The following ATP10A variants were observed in gnomAD, a reference collection of about 807,000 sequenced individuals.
The protein encoded by ATP10A is ATPase phospholipid transporting 10A (putative).
In ATP10A, 111 loss-of-function variants were observed where a neutral mutation model predicts 147.8. The ratio of observed to expected loss-of-function variants is 0.75; its 90% CI spans 0.64 to 0.88. The LOEUF (loss-of-function observed/expected upper bound fraction) is 0.88, where lower values mean the gene tolerates loss of function less well. ATP10A is among the 40% of genes least tolerant of loss of function. ATP10A has a pLI of 0.00. For synonymous variants in ATP10A, 875 were observed against 841.6 expected (o/e 1.04, Z -0.69); for missense variants, 1,927 against 1,959.0 (o/e 0.98, Z 0.31).
intron 3 of ATP10A, among the ~76,000 whole-genome samples, chr15:25,734,798 G>C (rs1442743219): frequency 6.6e-6 from 1 of 152,162 alleles, no homozygotes; most frequent in Non-Finnish European, 1.5e-5. Flanking sequence ...CTTGGCTGCA[G>C]ACACATTTCA....
intron 9 of ATP10A, 105 bp downstream of exon 9, chr15:25,716,625 C>T (rs982276605): frequency 1.0e-5 from 12 of 1,147,100 alleles, no homozygotes; most frequent in Non-Finnish European, 1.5e-5. Context: ...GTGCCAAGAG[C>T]GCTTGCTGCA....
chr15:25,735,708 C>T (rs1360588807), intron 3 of ATP10A, among the ~76,000 whole-genome samples: 1 of 152,098 alleles, frequency 6.6e-6, no homozygotes, highest in Non-Finnish European at 1.5e-5. Flanking sequence ...GAAACTCCAC[C>T]CGGCCTACTC....
At chr15:25,769,889 G>A (rs142094816) in intron 2 of ATP10A, among the ~76,000 whole-genome samples, 20 of 152,264 alleles carry the variant, frequency 1.3e-4, no homozygotes, top group Admixed American at 8.5e-4. Context: ...AGGGTTAAAT[G>A]AGGTGACTGA....
At chr15:25,803,142 C>T (rs893276510) in intron 1 of ATP10A, among the ~76,000 whole-genome samples, 2 of 152,160 alleles carry the variant, frequency 1.3e-5, no homozygotes, top group African/African-American at 2.4e-5. Context: ...GCAATCTCGG[C>T]ACCTGCGAGG....
chr15:25,716,832 C>T lies in ATP10A; in HGVS notation c.1674G>A (p.Leu558=). 1 of 1,611,002 alleles carries T rather than the reference C, an allele frequency of 6.2e-7. No homozygotes were observed. Among genetic ancestry groups the T allele is most frequent in the Non-Finnish European group, 8.5e-7 (1 of 1,178,740 alleles). ...CAGACAGCTCAGGCGAGAGGTGGGC[C>T]AGCAGGTGCTCCTGATGCCTCGCCA... ...LAVARHQEHL[L]AHLSPELSDV... Residue 558 remains leucine, a synonymous_variant, in exon 9 of 21, where the codon CTG becomes CTA. Transcript: ENST00000555815.
In ATP10A at chr15:25,718,524, C is replaced by G. The variant is rs1464819581; in HGVS notation, c.1364-125G>C. The stretch of plus-strand genomic sequence containing the variant: ...GGGCAGCCCCACAGGATTCACCACC[C>G]TTGCTCTCTAATAGCAAGGCACGGA... On this transcript the variant is annotated intron_variant, in intron 7 of 20. Coordinates refer to ENST00000555815, the MANE Select transcript of ATP10A (RefSeq NM_024490.4). 6.1e-6 allele frequency: 6 copies of G among 977,398 alleles called. No homozygotes were observed. In the Admixed American group the frequency reaches 6.6e-5, roughly 11 times the overall value. The allele number at this position is 977,398 out of a possible 1,614,324, so 60.5% of individuals were successfully genotyped here.
chr15:25,783,812 T>G (rs1890039922), intron 1 of ATP10A, among the ~76,000 whole-genome samples: 1 of 152,224 alleles, frequency 6.6e-6, no homozygotes, highest in Non-Finnish European at 1.5e-5. Flanking sequence ...CTGCTTCTCC[T>G]GCTGTGACAA....
chr15:25,708,426 T>A, intron 10 of ATP10A, 126 bp from the exon 11 acceptor site: 5 of 751,822 alleles, frequency 6.7e-6, no homozygotes, highest in South Asian at 1.8e-5. Context: ...TCATATAGAA[T>A]TCAAAGCAAA....
At chr15:25,797,581 C>T (rs1890736329) in intron 1 of ATP10A, among the ~76,000 whole-genome samples, 1 of 152,208 alleles carries the variant, frequency 6.6e-6, no homozygotes, top group African/African-American at 2.4e-5. Flanking sequence ...ATGACACGCT[C>T]TGGGCTCCAG....
chr15:25,703,128 C>T (rs1006237459), intron 12 of ATP10A, among the ~76,000 whole-genome samples: 6 of 152,272 alleles, frequency 3.9e-5, no homozygotes, highest in Admixed American at 6.5e-5. Flanking sequence ...GAGGCCGTGG[C>T]GGGCGGGTCA....
At chr15:25,709,580 C>G (rs1290726997) in intron 10 of ATP10A, 1 of 152,270 alleles carries the variant, frequency 6.6e-6, no homozygotes, top group Admixed American at 6.5e-5. Context: ...ATGGGCCACT[C>G]GGGACCCTGG....
At chr15:25,782,042 G>A (rs1889950312) in intron 1 of ATP10A, among the ~76,000 whole-genome samples, 1 of 152,194 alleles carries the variant, frequency 6.6e-6, no homozygotes. Flanking sequence ...ATTGCTAGGA[G>A]GTAGGATAAT....
intron 1 of ATP10A, among the ~76,000 whole-genome samples, chr15:25,809,346 G>C (rs538086999): frequency 6.6e-6 from 1 of 152,284 alleles, no homozygotes; most frequent in South Asian, 2.1e-4. Context: ...ACGGCTTACT[G>C]CATGGTGGAG....
At chr15:25,696,067 C>T (rs938055468) in intron 13 of ATP10A, among the ~76,000 whole-genome samples, 1 of 152,142 alleles carries the variant, frequency 6.6e-6, no homozygotes, top group Non-Finnish European at 1.5e-5. Flanking sequence ...GAGGGACCAC[C>T]GTCTCCAGGA....
At chr15:25,683,759 T>A in intron 16 of ATP10A, 1 of 495,372 alleles carries the variant, frequency 2.0e-6, no homozygotes, top group South Asian at 2.4e-5. Flanking sequence ...GGGGATGAGA[T>A]TTTTGTGCTT....
intron 14 of ATP10A, among the ~76,000 whole-genome samples, chr15:25,692,957 C>T (rs1015856243): frequency 6.6e-6 from 1 of 152,076 alleles, no homozygotes; most frequent in African/African-American, 2.4e-5. Context: ...CATGCCACCA[C>T]ACCCAGCCAG....
intron 1 of ATP10A, among the ~76,000 whole-genome samples, chr15:25,799,667 C>T (rs560797857): frequency 2.6e-5 from 4 of 152,140 alleles, no homozygotes; most frequent in South Asian, 2.1e-4. Context: ...CAGGAGGTCG[C>T]GGCTGCAGTG....
At chr15:25,707,468 T>C (rs1901103897) in intron 12 of ATP10A, among the ~76,000 whole-genome samples, 1 of 152,218 alleles carries the variant, frequency 6.6e-6, no homozygotes, top group Non-Finnish European at 1.5e-5. Context: ...AGCATTAACA[T>C]AATAAATACC....
At chr15:25,720,341 C>A (rs1020535718) in intron 7 of ATP10A, among the ~76,000 whole-genome samples, 1 of 152,122 alleles carries the variant, frequency 6.6e-6, no homozygotes, top group East Asian at 1.9e-4. Context: ...CTCTCTGAGT[C>A]GTTTTGAAAT....
Sources: gnomAD v4.1 joint callset for allele counts (sites outside exome capture counted in the v4.1 genomes callset) on GRCh38, gnomAD v4.1.1 for gene constraint, MANE v1.5 for transcripts, NCBI Gene and HGNC (gene_info 2026-07-23, HGNC 2026-07-21) for gene names.